TXNDC16: variants seen among roughly 807,000 people sequenced by gnomAD.
TXNDC16 encodes the protein thioredoxin domain-containing protein 16.
A neutral mutation model predicts 85.6 loss-of-function variants in TXNDC16; 74 were observed. That is an observed-to-expected ratio of 0.86 (90% CI 0.72 to 1.05). The LOEUF is 1.05. TXNDC16 is among the 50% of genes least tolerant of loss of function. The pLI is 0.00. For missense variants in TXNDC16, 959 were observed against 947.0 expected (o/e 1.01, Z -0.17); for synonymous variants, 335 against 326.5 (o/e 1.03, Z -0.28).
chr14:52,483,710 T>C (rs1374202926), intron 12 of TXNDC16, among the ~76,000 whole-genome samples: 2 of 152,240 alleles, frequency 1.3e-5, no homozygotes, highest in Non-Finnish European at 2.9e-5. Context: ...TCTGAATATG[T>C]GAAACCCTTC....
intron 14 of TXNDC16, among the ~76,000 whole-genome samples, chr14:52,473,270 C>T (rs567949930): frequency 6.6e-6 from 1 of 152,012 alleles, no homozygotes; most frequent in Admixed American, 6.5e-5. Context: ...TTTCCTGGTG[C>T]GCGACAACGA....
chr14:52,493,455 A>T (rs2036460695), intron 9 of TXNDC16, among the ~76,000 whole-genome samples: 1 of 152,134 alleles, frequency 6.6e-6, no homozygotes, highest in Non-Finnish European at 1.5e-5. Flanking sequence ...GACAACCTCA[A>T]GGAGATGGGA....
intron 4 of TXNDC16, among the ~76,000 whole-genome samples, chr14:52,540,530 C>T (rs1287974835): frequency 6.6e-6 from 1 of 152,092 alleles, no homozygotes; most frequent in Non-Finnish European, 1.5e-5. Flanking sequence ...GAGGCTGAGA[C>T]AGGTGAATTG....
At chr14:52,530,197 ATATAT>A (rs1460857761) in intron 6 of TXNDC16, among the ~76,000 whole-genome samples, 65 of 76,026 alleles carry the variant, frequency 8.5e-4, no homozygotes, top group Non-Finnish European at 1.1e-3. Context: ...TTATATTTAT[ATATAT>A]TATATTATAC....
intron 2 of TXNDC16, 25 bp from the exon 3 acceptor site, chr14:52,543,655 AG>A: frequency 5.1e-6 from 7 of 1,361,234 alleles, no homozygotes; most frequent in Non-Finnish European, 7.0e-6. Context: ...GTATTCAACA[AG>A]AGTTTGTTGA....
At chr14:52,444,049 G>C (rs2035224977) in intron 18 of TXNDC16, among the ~76,000 whole-genome samples, 1 of 152,180 alleles carries the variant, frequency 6.6e-6, no homozygotes, top group South Asian at 2.1e-4. Flanking sequence ...AGGATGGTCA[G>C]ATGGACAAAA....
intron 7 of TXNDC16, among the ~76,000 whole-genome samples, chr14:52,515,511 T>C (rs1473607837): frequency 1.3e-5 from 2 of 152,076 alleles, no homozygotes; most frequent in Non-Finnish European, 2.9e-5. Context: ...TTAGTTTTTT[T>C]TAATCAAACT....
intron 16 of TXNDC16, among the ~76,000 whole-genome samples, chr14:52,465,398 C>G (rs1240265534): frequency 6.6e-6 from 1 of 152,076 alleles, no homozygotes; most frequent in Non-Finnish European, 1.5e-5. Flanking sequence ...CGAGACCATC[C>G]TGGCTAACAC....
At chr14:52,548,817 G>A (rs1333692624) in intron 1 of TXNDC16, among the ~76,000 whole-genome samples, 1 of 151,472 alleles carries the variant, frequency 6.6e-6, no homozygotes, top group African/African-American at 2.4e-5. Context: ...AAGAGGCAGA[G>A]GTTGCAGTGA....
rs371090125 is a variant in TXNDC16 at position 52,531,195 on chromosome 14, C to G, written c.392+5524G>C. Among the ~76,000 whole-genome samples the G allele has an allele frequency of 5.3e-5, 8 of 152,226 alleles. 1 individual carries two copies. Among genetic ancestry groups the G allele is most frequent in the African/African-American group, 1.9e-4 (8 of 41,558 alleles). ...CAACACTGACAAGGATGTGGAACAA[C>G]AGGAACTTTCATTCATTGCTGGTGG... On this transcript the variant is annotated intron_variant, in intron 6 of 20. Coordinates refer to ENST00000281741, the MANE Select transcript of TXNDC16 (RefSeq NM_020784.3).
Position 52,432,322 on chromosome 14 carries a change from T to A in TXNDC16, c.2460A>T (p.Gly820=). Residue 820 remains glycine, a synonymous_variant, in exon 21 of 21, where the codon GGA becomes GGT. Transcript: ENST00000281741. ...EKSFRRDKEL[G]CSKVN is the part of the protein sequence containing the mutation. Reference sequence around the variant, plus strand: ...TATAAAATTAGTTCACTTTTGAGCATCCTAACTCTTTATCACGTCTAAATG... The same window carrying A: ...TATAAAATTAGTTCACTTTTGAGCAACCTAACTCTTTATCACGTCTAAATG... 6.2e-7 allele frequency: 1 copy of A among 1,612,374 alleles called. No individual in the cohort carries two copies. Among genetic ancestry groups the A allele is most frequent in the Non-Finnish European group, 8.5e-7 (1 of 1,179,248 alleles).
At chr14:52,464,892 T>A (rs2140125464) in intron 16 of TXNDC16, among the ~76,000 whole-genome samples, 1 of 152,086 alleles carries the variant, frequency 6.6e-6, no homozygotes, top group East Asian at 1.9e-4. Flanking sequence ...TGAGCCAACA[T>A]CATGCCACTG....
intron 9 of TXNDC16, among the ~76,000 whole-genome samples, 192 bp downstream of exon 9, chr14:52,511,048 C>T (rs1215999540): frequency 6.6e-6 from 1 of 151,962 alleles, no homozygotes; most frequent in Non-Finnish European, 1.5e-5. Flanking sequence ...ATCTTCTATT[C>T]TACCTTTAAT....
chr14:52,480,979 A>ATATG (rs1566550759), intron 14 of TXNDC16, among the ~76,000 whole-genome samples: 2 of 75,742 alleles, frequency 2.6e-5, no homozygotes, highest in Non-Finnish European at 4.9e-5. Context: ...ATATATGTAT[A>ATATG]TATATATATA....
chr14:52,489,307 T>A (rs2036347982), intron 11 of TXNDC16, among the ~76,000 whole-genome samples: 1 of 152,156 alleles, frequency 6.6e-6, no homozygotes, highest in Non-Finnish European at 1.5e-5. Context: ...CGATATTAAT[T>A]AATATTAAAA....
chr14:52,551,897 C>T (rs1011985810), intron 1 of TXNDC16, among the ~76,000 whole-genome samples: 1 of 152,136 alleles, frequency 6.6e-6, no homozygotes, highest in African/African-American at 2.4e-5. Flanking sequence ...TGCCTTTTTC[C>T]CAAAACTTAA....
intron 6 of TXNDC16, among the ~76,000 whole-genome samples, chr14:52,529,356 A>T (rs933856838): frequency 2.6e-5 from 4 of 151,064 alleles, no homozygotes; most frequent in African/African-American, 9.7e-5. Context: ...TAGCATTAGG[A>T]GATATACCTA....
chr14:52,479,079 T>C (rs775489855), intron 14 of TXNDC16, among the ~76,000 whole-genome samples: 1 of 152,090 alleles, frequency 6.6e-6, no homozygotes, highest in Non-Finnish European at 1.5e-5. Flanking sequence ...ATCATCTCAA[T>C]AGATGCAGAA....
intron 9 of TXNDC16, among the ~76,000 whole-genome samples, chr14:52,497,058 T>TA (rs2140162374): frequency 6.6e-6 from 1 of 152,200 alleles, no homozygotes; most frequent in South Asian, 2.1e-4. Flanking sequence ...AGAGTAGATA[T>TA]AAAAGTGACA....
Sources: allele counts gnomAD v4.1 joint callset (sites outside exome capture counted in the v4.1 genomes callset), GRCh38; gene constraint gnomAD v4.1.1; transcripts MANE v1.5; gene names NCBI Gene and HGNC (gene_info 2026-07-23, HGNC 2026-07-21).